Variants in ZCRB1 observed in about 807,000 individuals in gnomAD.
ZCRB1 encodes the protein zinc finger CCHC-type and RNA-binding motif-containing protein 1.
A neutral mutation model predicts 29.9 loss-of-function variants in ZCRB1; 21 were observed. That is an observed-to-expected ratio of 0.70 (90% CI 0.50 to 1.01). The LOEUF (loss-of-function observed/expected upper bound fraction) is 1.01, where lower values mean the gene tolerates loss of function less well. ZCRB1 is among the 50% of genes least tolerant of loss of function. The pLI is 0.00. For synonymous variants in ZCRB1, 77 were observed against 80.0 expected (o/e 0.96, Z 0.20); for missense variants, 204 against 253.3 (o/e 0.81, Z 1.32).
intron 1 of ZCRB1, 26 bp from the exon 2 acceptor site, chr12:42,324,130 C>T: frequency 6.3e-7 from 1 of 1,594,922 alleles, no homozygotes; most frequent in South Asian, 1.1e-5. Flanking sequence ...AACTTATCAG[C>T]AATCAGTCTA....
chr12:42,319,326 T>C (rs2068610046), intron 3 of ZCRB1, among the ~76,000 whole-genome samples: 1 of 152,210 alleles, frequency 6.6e-6, no homozygotes, highest in Non-Finnish European at 1.5e-5. Context: ...AGTAGTCTTC[T>C]ACTTAAGGAA....
chr12:42,325,774 T>A (rs1355882075), intron 1 of ZCRB1, 150 bp downstream of exon 1: 1 of 152,250 alleles, frequency 6.6e-6, no homozygotes, highest in Non-Finnish European at 1.5e-5. Context: ...AAACTATGCG[T>A]TACACGTTCT....
intron 7 of ZCRB1, 31 bp downstream of exon 7, chr12:42,313,659 T>C (rs1409724369): frequency 1.2e-6 from 2 of 1,606,380 alleles, no homozygotes; most frequent in Admixed American, 1.7e-5. Flanking sequence ...TCAACTATTG[T>C]ATGATGCCTT....
chr12:42,317,212 T>C (rs1459260443), intron 5 of ZCRB1, 128 bp downstream of exon 5: 7 of 627,232 alleles, frequency 1.1e-5, no homozygotes, highest in Admixed American at 3.4e-5. Context: ...AAAAAATAAA[T>C]ATTAAAAAAT....
chr12:42,322,279 A>G, intron 3 of ZCRB1, 139 bp downstream of exon 3: 7 of 872,434 alleles, frequency 8.0e-6, no homozygotes, highest in Non-Finnish European at 1.1e-5. Flanking sequence ...AACCAACTAA[A>G]TTGTCATAAA....
chr12:42,325,444 G>C (rs767907008), intron 1 of ZCRB1: 9 of 152,178 alleles, frequency 5.9e-5, no homozygotes, highest in Non-Finnish European at 1.3e-4. Flanking sequence ...GCCTCGAAGA[G>C]ACAGACCTGT....
Position 42,317,808 on chromosome 12 carries a change from G to A in ZCRB1, c.204C>T (p.Thr68=). The A allele has an allele frequency of 6.2e-7, 1 of 1,612,900 alleles. No homozygotes were observed. Among genetic ancestry groups the A allele is most frequent in the Non-Finnish European group, 8.5e-7 (1 of 1,179,712 alleles). ...TTACCTGTTTGTTGTTTATTGCCCT[G>A]GTACAGTTTTGTGCAGAGTCTTTAT... ...FLDKDSAQNC[T]RAINNKQLFG... is the part of the protein sequence containing the mutation. The change falls in exon 4 of 8, where the codon ACC becomes ACT. Residue 68 remains threonine, a synonymous_variant. Coordinates refer to ENST00000266529, the MANE Select transcript of ZCRB1 (RefSeq NM_033114.4).
Position 42,312,738 on chromosome 12 carries a change from C to CA in ZCRB1, c.*328dup, listed in dbSNP as rs1342345558. ...ATTTATCCAGATTGGGATAAAGCTA[C>CA]AAGAAATATGATGACAAAACACCCA... On this transcript the variant is annotated 3_prime_UTR_variant, in exon 8 of 8. Coordinates refer to ENST00000266529, the MANE Select transcript of ZCRB1 (RefSeq NM_033114.4). The CA allele has an allele frequency of 6.3e-6, 1 of 157,754 alleles. No homozygotes were observed. The highest frequency in any genetic ancestry group is 6.5e-5 in the Admixed American group (1 of 15,462). The allele number at this position is 157,754 out of a possible 1,614,324, so 9.8% of individuals were successfully genotyped here.
chr12:42,315,557 A>G (rs2068590788), intron 5 of ZCRB1, among the ~76,000 whole-genome samples: 1 of 152,230 alleles, frequency 6.6e-6, no homozygotes, highest in Non-Finnish European at 1.5e-5. Context: ...GATTTAATGA[A>G]ATAACTTGAG....
intron 3 of ZCRB1, among the ~76,000 whole-genome samples, chr12:42,320,123 C>T (rs2068614433): frequency 6.6e-6 from 1 of 152,150 alleles, no homozygotes. Flanking sequence ...TAGATAATAG[C>T]ACCATTTCCT....
At chr12:42,316,675 A>G (rs1283817429) in intron 5 of ZCRB1, among the ~76,000 whole-genome samples, 2 of 152,236 alleles carry the variant, frequency 1.3e-5, no homozygotes, top group Admixed American at 6.5e-5. Context: ...TCACATGATA[A>G]TGTTGCTATT....
At chr12:42,319,804 T>G (rs1400985599) in intron 3 of ZCRB1, among the ~76,000 whole-genome samples, 1 of 152,206 alleles carries the variant, frequency 6.6e-6, no homozygotes, top group Non-Finnish European at 1.5e-5. Context: ...AGATATACCT[T>G]TATATTCAAT....
Position 42,313,865 on chromosome 12 carries a change from T to C in ZCRB1, c.446+9A>G. 1.2e-6 allele frequency: 2 copies of C among 1,601,222 alleles called. No individual in the cohort carries two copies. The highest frequency in any genetic ancestry group is 1.7e-6 in the Non-Finnish European group (2 of 1,177,036). ...ATGATGATGTATTTAGTAAGAATAA[T>C]ATACATACATTTCTTCTTCTGGTTC... is the stretch of plus-strand genomic sequence containing the variant. On this transcript the variant is annotated intron_variant, in intron 6 of 7. Coordinates refer to ENST00000266529, the MANE Select transcript of ZCRB1 (RefSeq NM_033114.4).
At chr12:42,323,487 A>G (rs1269419640) in intron 2 of ZCRB1, among the ~76,000 whole-genome samples, 1 of 152,138 alleles carries the variant, frequency 6.6e-6, no homozygotes, top group Admixed American at 6.5e-5. Context: ...GCCCTATGTA[A>G]AATTTCACTT....
rs1322407981 is a variant in ZCRB1 at position 42,317,379 on chromosome 12, C to T, written c.294G>A (p.Arg98=). Residue 98 remains arginine, a synonymous_variant, in exon 5 of 8, where the codon AGG becomes AGA. Coordinates refer to ENST00000266529, the MANE Select transcript of ZCRB1 (RefSeq NM_033114.4). ...DNGRAAEFIR[R]RNYFDKSKCY... The stretch of plus-strand genomic sequence containing the variant: ...ACTTAGATTTATCAAAGTAGTTTCG[C>T]CTTCGGATGAACTCAGCTGCTCTTC... 6.2e-7 allele frequency: 1 copy of T among 1,612,872 alleles called. No homozygotes were observed. Among genetic ancestry groups the T allele is most frequent in the Admixed American group, 1.7e-5 (1 of 59,828 alleles).
intron 1 of ZCRB1, among the ~76,000 whole-genome samples, chr12:42,324,318 T>C (rs1220502914): frequency 1.3e-5 from 2 of 152,120 alleles, no homozygotes; most frequent in South Asian, 4.1e-4. Context: ...CTGGCTAATT[T>C]TGTATTTTTA....
At chr12:42,320,209 C>T (rs1045304781) in intron 3 of ZCRB1, among the ~76,000 whole-genome samples, 1 of 152,132 alleles carries the variant, frequency 6.6e-6, no homozygotes, top group South Asian at 2.1e-4. Context: ...TGAATGTCAT[C>T]CATAACACCT....
chr12:42,315,258 C>A (rs1273686814), intron 5 of ZCRB1, among the ~76,000 whole-genome samples: 1 of 152,172 alleles, frequency 6.6e-6, no homozygotes, highest in Non-Finnish European at 1.5e-5. Flanking sequence ...CATAAGAGCT[C>A]AACTATAATC....
intron 3 of ZCRB1, among the ~76,000 whole-genome samples, chr12:42,321,585 C>G (rs573339204): frequency 6.6e-6 from 1 of 152,148 alleles, no homozygotes; most frequent in South Asian, 2.1e-4. Flanking sequence ...AAAATTTACA[C>G]AGAAGCATTT....
Sources: allele counts gnomAD v4.1 joint callset (sites outside exome capture counted in the v4.1 genomes callset), GRCh38; gene constraint gnomAD v4.1.1; transcripts MANE v1.5; gene names NCBI Gene and HGNC (gene_info 2026-07-23, HGNC 2026-07-21).